The following IL1R1 variants were observed in gnomAD, a reference collection of about 807,000 sequenced individuals.
IL1R1 encodes the protein interleukin-1 receptor type 1.
A neutral mutation model predicts 50.2 loss-of-function variants in IL1R1; 22 were observed. That is an observed-to-expected ratio of 0.44 (90% CI 0.31 to 0.63). The LOEUF is 0.63. IL1R1 is among the 20% of genes least tolerant of loss of function. IL1R1 has a pLI of 0.07. For synonymous variants in IL1R1, 251 were observed against 236.7 expected (o/e 1.06, Z -0.55); for missense variants, 509 against 676.2 (o/e 0.75, Z 2.74).
chr2:102,124,972 TG>T (rs750962461), intron 1 of IL1R1, among the ~76,000 whole-genome samples: 1 of 152,110 alleles, frequency 6.6e-6, no homozygotes, highest in Non-Finnish European at 1.5e-5. Context: ...GAGAACAGCA[TG>T]GGGGAACCAC....
At chr2:102,121,671 G>A (rs116011061) in intron 1 of IL1R1, among the ~76,000 whole-genome samples, 1 of 152,210 alleles carries the variant, frequency 6.6e-6, no homozygotes, top group African/African-American at 2.4e-5. Flanking sequence ...CCCAGTTTGG[G>A]GAGTTCAAAA....
chr2:102,114,145 A>G (rs1457842877), intron 1 of IL1R1, among the ~76,000 whole-genome samples: 1 of 152,246 alleles, frequency 6.6e-6, no homozygotes, highest in African/African-American at 2.4e-5. Flanking sequence ...AAATTGGTGC[A>G]TGGTACCCAT....
At chr2:102,099,161 T>C (rs778952703) in intron 1 of IL1R1, among the ~76,000 whole-genome samples, 5 of 152,192 alleles carry the variant, frequency 3.3e-5, no homozygotes, top group Non-Finnish European at 5.9e-5. Flanking sequence ...AGTCTGTAGA[T>C]CCAAATCCTA....
upstream of IL1R1, among the ~76,000 whole-genome samples, chr2:102,138,355 T>C (rs1450620421): frequency 6.6e-6 from 1 of 152,234 alleles, no homozygotes; most frequent in African/African-American, 2.4e-5. Context: ...CTGAGCAAGA[T>C]TCAAGCTGCA....
chr2:102,174,977 A>T (rs1685994590), intron 10 of IL1R1, among the ~76,000 whole-genome samples: 2 of 152,228 alleles, frequency 1.3e-5, no homozygotes, highest in Admixed American at 6.5e-5. Flanking sequence ...GCATCTGTTT[A>T]TAAATTCAGT....
At chr2:102,083,937 C>A (rs969097706) in intron 1 of IL1R1, among the ~76,000 whole-genome samples, 1 of 110,032 alleles carries the variant, frequency 9.1e-6, no homozygotes, top group Admixed American at 9.0e-5. Flanking sequence ...GAGCAAGACT[C>A]CGCCTCAAAA....
Position 102,165,096 on chromosome 2 carries a change from CTATTT to C in IL1R1, c.297-6_297-2del. ...ATACTTTTAATAATGCTTAACTTAC[CTATTT>C]TATTTTATTTTAGAAATTCATCTTA... On this transcript the variant is annotated splice_polypyrimidine_tract_variant and intron_variant, in intron 4 of 11. Transcript: ENST00000410023. 2 of 1,541,862 alleles carry C rather than the reference CTATTT, an allele frequency of 1.3e-6. No individual in the cohort carries two copies. Among genetic ancestry groups the C allele is most frequent in the East Asian group, 2.3e-5 (1 of 44,366 alleles).
At chr2:102,138,071 T>C (rs1396140894), upstream of IL1R1, among the ~76,000 whole-genome samples, 4 of 152,190 alleles carry the variant, frequency 2.6e-5, no homozygotes, top group Non-Finnish European at 2.9e-5. Flanking sequence ...TGGCATATGA[T>C]GGAGAACAGA....
In IL1R1 at chr2:102,164,979, G is replaced by A. The variant is rs1685045176; in HGVS notation, c.267G>A (p.Glu89=). The A allele has an allele frequency of 6.2e-7, 1 of 1,613,832 alleles. No homozygotes were observed. The highest frequency in any genetic ancestry group is 1.3e-5 in the African/African-American group (1 of 74,904). The part of the protein sequence containing the change: ...EKLWFVPAKV[E]DSGHYYCVVR... ...TTTGGTTTGTTCCTGCTAAGGTGGA[G>A]GATTCAGGACATTACTATTGCGTGG... Residue 89 remains glutamate (E), a synonymous_variant, in exon 4 of 12, where the codon GAG becomes GAA. Transcript: ENST00000410023.
intron 1 of IL1R1, among the ~76,000 whole-genome samples, chr2:102,095,809 C>T (rs1679875657): frequency 6.6e-6 from 1 of 152,068 alleles, no homozygotes; most frequent in Admixed American, 6.6e-5. Context: ...TCGAGACCAT[C>T]CTGGCCAACA....
intron 1 of IL1R1, among the ~76,000 whole-genome samples, chr2:102,152,504 CAA>C (rs70946674): frequency 1.1e-3 from 33 of 29,684 alleles, no homozygotes; most frequent in African/African-American, 2.9e-3. Context: ...GACTCCGTCT[CAA>C]AAAAAAAAAA....
At chr2:102,082,001 C>T (rs182237708) in intron 1 of IL1R1, among the ~76,000 whole-genome samples, 5 of 152,310 alleles carry the variant, frequency 3.3e-5, no homozygotes, top group Admixed American at 2.0e-4. Flanking sequence ...CCTCAGAATA[C>T]CTGGAGGGCA....
intron 1 of IL1R1, among the ~76,000 whole-genome samples, chr2:102,091,787 C>G (rs1478127260): frequency 6.6e-6 from 1 of 152,188 alleles, no homozygotes; most frequent in Non-Finnish European, 1.5e-5. Flanking sequence ...TTTACCCACA[C>G]AGCCTTCCCA....
intron 3 of IL1R1, among the ~76,000 whole-genome samples, chr2:102,163,227 T>C (rs1354758030): frequency 6.6e-6 from 1 of 152,210 alleles, no homozygotes; most frequent in Non-Finnish European, 1.5e-5. Flanking sequence ...GTAGTTTGCT[T>C]TATGTTTCTT....
intron 1 of IL1R1, among the ~76,000 whole-genome samples, chr2:102,071,732 T>A (rs1387867495): frequency 1.3e-5 from 2 of 152,204 alleles, no homozygotes; most frequent in African/African-American, 4.8e-5. Flanking sequence ...GTTTTTGTAG[T>A]GGCACCAGGC....
At chr2:102,139,194 T>A (rs766646072), upstream of IL1R1, among the ~76,000 whole-genome samples, 1 of 152,224 alleles carries the variant, frequency 6.6e-6, no homozygotes, top group African/African-American at 2.4e-5. Context: ...GGACCATGCT[T>A]GTCCCATCAG....
rs3917224 is a variant in IL1R1, at chr2:102,152,694, C to T, written c.-83-1247C>T. Among the ~76,000 whole-genome samples the T allele has an allele frequency of 7.1e-3, 1,072 of 151,816 alleles. 15 individuals are homozygous for T. The highest frequency in any genetic ancestry group is 0.024 in the African/African-American group (1,009 of 41,354). On this transcript the variant is annotated intron_variant, in intron 1 of 11. Coordinates refer to ENST00000410023, the MANE Select transcript of IL1R1 (RefSeq NM_000877.4). ...CAGCTGCTTTCATATCTGGGGCATA[C>T]TCACAGGGGTCAGTCAGGAGGGCAC...
chr2:102,090,481 TTACGCTCTTTTTATTATTTTTCTCTC>T, intron 1 of IL1R1, among the ~76,000 whole-genome samples: 2 of 152,056 alleles, frequency 1.3e-5, no homozygotes, highest in Non-Finnish European at 2.9e-5. Context: ...TGCATATCTC[TTACGCTCTTTTTATTATTTTTCTCTC>T]TATGCATTGG....
At chr2:102,127,731 T>G (rs1407905186) in intron 1 of IL1R1, among the ~76,000 whole-genome samples, 1 of 151,528 alleles carries the variant, frequency 6.6e-6, no homozygotes, top group Non-Finnish European at 1.5e-5. Flanking sequence ...GGATACCTAT[T>G]TGGCAACAAG....
Sources: gnomAD v4.1 joint callset for allele counts (sites outside exome capture counted in the v4.1 genomes callset) on GRCh38, gnomAD v4.1.1 for gene constraint, MANE v1.5 for transcripts, NCBI Gene and HGNC (gene_info 2026-07-23, HGNC 2026-07-21) for gene names.